ELOVL6: variants seen among roughly 807,000 people sequenced by gnomAD.
ELOVL6 encodes the protein very long chain fatty acid elongase 6.
Under a neutral mutation model 31.7 loss-of-function variants are expected in ELOVL6, and 8 were observed. That is an observed-to-expected ratio of 0.25 (90% CI 0.15 to 0.45). The LOEUF (loss-of-function observed/expected upper bound fraction) is 0.45. Ranked by LOEUF, ELOVL6 falls within the 20% of genes least tolerant of loss-of-function variation. The probability of loss-of-function intolerance (pLI) is 1.00; values close to 1 mark genes in which losing one functional copy is unlikely to be tolerated. For missense variants in ELOVL6, 126 were observed against 326.4 expected (o/e 0.39, Z 4.73); for synonymous variants, 101 against 117.7 (o/e 0.86, Z 0.92).
chr4:110,159,502 T>A (rs1419892199), intron 1 of ELOVL6, among the ~76,000 whole-genome samples: 2 of 151,808 alleles, frequency 1.3e-5, no homozygotes, highest in Non-Finnish European at 2.9e-5. Flanking sequence ...CACAGGGAGT[T>A]GTAAAATAAA....
chr4:110,158,246 A>T (rs1318678596), intron 1 of ELOVL6, among the ~76,000 whole-genome samples: 1 of 152,142 alleles, frequency 6.6e-6, no homozygotes, highest in Non-Finnish European at 1.5e-5. Flanking sequence ...ATCCATCTCC[A>T]CAGAAATAGA....
At chr4:110,161,563 T>C (rs149867690) in intron 1 of ELOVL6, among the ~76,000 whole-genome samples, 124 of 152,276 alleles carry the variant, frequency 8.1e-4, no homozygotes, top group African/African-American at 2.8e-3. Context: ...TGCAGTCTTA[T>C]TTAGTTCCAT....
At chr4:110,102,007 T>C (rs1044178963) in intron 2 of ELOVL6, among the ~76,000 whole-genome samples, 1 of 152,220 alleles carries the variant, frequency 6.6e-6, no homozygotes, top group Non-Finnish European at 1.5e-5. Context: ...AATATTTTTA[T>C]ATTAAAAGTA....
At chr4:110,189,966 CAA>C (rs34493408) in intron 1 of ELOVL6, among the ~76,000 whole-genome samples, 9 of 133,696 alleles carry the variant, frequency 6.7e-5, no homozygotes, top group African/African-American at 8.4e-5. Context: ...GACTCCATCT[CAA>C]AAAAAAAAAA....
In ELOVL6 at chr4:110,198,418, G is replaced by A; in HGVS notation, c.-83C>T. The A allele has an allele frequency of 1.2e-6, 1 of 868,012 alleles. No individual in the cohort carries two copies. Among genetic ancestry groups the A allele is most frequent in the Non-Finnish European group, 1.9e-6 (1 of 536,544 alleles). The allele number at this position is 868,012 out of a possible 1,614,324, so 53.8% of individuals were successfully genotyped here. On this transcript the variant is annotated 5_prime_UTR_variant, in exon 1 of 4. Coordinates refer to ENST00000302274, the MANE Select transcript of ELOVL6 (RefSeq NM_024090.3). Reference sequence around the variant, plus strand: ...AGCGCTTGATTTCGAGTGTTCTCCTGTCTGCTTCCCCCACCCACCCCCCTA... The same window carrying A: ...AGCGCTTGATTTCGAGTGTTCTCCTATCTGCTTCCCCCACCCACCCCCCTA...
chr4:110,123,892 T>G (rs1388131600), intron 1 of ELOVL6, among the ~76,000 whole-genome samples: 1 of 152,158 alleles, frequency 6.6e-6, no homozygotes, highest in Admixed American at 6.5e-5. Context: ...TAAATATCAT[T>G]CAGGAAAAAA....
intron 2 of ELOVL6, among the ~76,000 whole-genome samples, chr4:110,095,844 T>C (rs1756566116): frequency 6.6e-6 from 1 of 152,192 alleles, no homozygotes; most frequent in African/African-American, 2.4e-5. Context: ...ATTCTGAGAA[T>C]TGATACAACT....
chr4:110,102,200 T>A (rs1756760719), intron 2 of ELOVL6, among the ~76,000 whole-genome samples: 1 of 152,190 alleles, frequency 6.6e-6, no homozygotes, highest in African/African-American at 2.4e-5. Context: ...ATGCTTGGAT[T>A]TTTCTATATA....
At chr4:110,080,298 T>G (rs1440740535) in intron 2 of ELOVL6, among the ~76,000 whole-genome samples, 1 of 152,110 alleles carries the variant, frequency 6.6e-6, no homozygotes, top group East Asian at 1.9e-4. Context: ...AAAAAGAGAA[T>G]TTTAGACCAA....
chr4:110,084,254 C>CATATAGCTTATATGTGATATATAACAT (rs1756091584), intron 2 of ELOVL6, among the ~76,000 whole-genome samples: 1 of 113,418 alleles, frequency 8.8e-6, no homozygotes, highest in South Asian at 2.7e-4. Context: ...ATATATATAA[C>CATATAGCTTATATGTGATATATAACAT]ATATAGCTTA....
intron 2 of ELOVL6, among the ~76,000 whole-genome samples, chr4:110,066,965 C>T (rs1023581907): frequency 2.6e-5 from 4 of 151,894 alleles, no homozygotes; most frequent in Non-Finnish European, 4.4e-5. Flanking sequence ...TCCCTCCCTG[C>T]GTCCATGTGT....
intron 1 of ELOVL6, among the ~76,000 whole-genome samples, chr4:110,196,504 G>A (rs1474579683): frequency 6.6e-6 from 1 of 152,214 alleles, no homozygotes; most frequent in Non-Finnish European, 1.5e-5. Context: ...GGTGGGGCTC[G>A]AGGGGCCTCG....
intron 1 of ELOVL6, among the ~76,000 whole-genome samples, chr4:110,173,999 A>G (rs960286074): frequency 6.6e-6 from 1 of 152,086 alleles, no homozygotes; most frequent in African/African-American, 2.4e-5. Flanking sequence ...AGTTAAAAAA[A>G]TAAAAATATA....
chr4:110,196,035 G>C (rs991375227), intron 1 of ELOVL6, among the ~76,000 whole-genome samples: 4 of 152,212 alleles, frequency 2.6e-5, no homozygotes, highest in Non-Finnish European at 5.9e-5. Context: ...CGAGGGCTGA[G>C]ACCTGTCTGG....
At chr4:110,061,220 C>T (rs561803266) in intron 2 of ELOVL6, among the ~76,000 whole-genome samples, 1 of 152,244 alleles carries the variant, frequency 6.6e-6, no homozygotes, top group East Asian at 1.9e-4. Flanking sequence ...GGCCTCTCTG[C>T]ACTGCCTCTC....
At chr4:110,177,822 T>G (rs1759154174) in intron 1 of ELOVL6, among the ~76,000 whole-genome samples, 1 of 152,216 alleles carries the variant, frequency 6.6e-6, no homozygotes, top group Admixed American at 6.5e-5. Context: ...TTACTTGCAG[T>G]TGAAAACATC....
At chr4:110,060,022 C>A in intron 2 of ELOVL6, 1 of 302,946 alleles carries the variant, frequency 3.3e-6, no homozygotes, top group South Asian at 9.1e-5. Flanking sequence ...AGATTCAGAG[C>A]AGGATCTCAT....
chr4:110,056,606 G>C (rs1187425141), intron 3 of ELOVL6, among the ~76,000 whole-genome samples: 1 of 152,050 alleles, frequency 6.6e-6, no homozygotes, highest in Non-Finnish European at 1.5e-5. Flanking sequence ...TGAAGAATTT[G>C]TGTTACTAAT....
intron 1 of ELOVL6, among the ~76,000 whole-genome samples, chr4:110,169,318 A>C (rs925727621): frequency 1.3e-5 from 2 of 148,670 alleles, no homozygotes; most frequent in African/African-American, 2.5e-5. Context: ...GGCTCACTGC[A>C]ATCTCTACCT....
Sources: allele counts gnomAD v4.1 joint callset (sites outside exome capture counted in the v4.1 genomes callset), GRCh38; gene constraint gnomAD v4.1.1; transcripts MANE v1.5; gene names NCBI Gene and HGNC (gene_info 2026-07-23, HGNC 2026-07-21).